UBQLN1: variants seen among roughly 807,000 people sequenced by gnomAD.
UBQLN1 encodes ubiquilin-1.
Under a neutral mutation model 65.4 loss-of-function variants are expected in UBQLN1, and 13 were observed. The ratio of observed to expected loss-of-function variants is 0.20; its 90% CI spans 0.13 to 0.32. The LOEUF (loss-of-function observed/expected upper bound fraction) is 0.32. Among genes scored for constraint, UBQLN1 ranks in the 10% least tolerant of loss-of-function variants. UBQLN1 has a pLI of 1.00. For synonymous variants in UBQLN1, 267 were observed against 247.8 expected (o/e 1.08, Z -0.73); for missense variants, 561 against 724.0 (o/e 0.77, Z 2.58).
intron 2 of UBQLN1, among the ~76,000 whole-genome samples, chr9:83,684,097 GTT>G (rs1831997076): frequency 1.3e-5 from 2 of 152,116 alleles, no homozygotes; most frequent in Non-Finnish European, 2.9e-5. Flanking sequence ...TTATGAGCCA[GTT>G]TTACTCTGGC....
At position 83,697,551 on chromosome 9, in the gene UBQLN1, CAAAA is replaced by C. The variant is rs750268209; in HGVS notation, c.180+9945_180+9948del. On this transcript the variant is annotated intron_variant, in intron 1 of 10. Coordinates refer to ENST00000376395, the MANE Select transcript of UBQLN1 (RefSeq NM_013438.5). ...GGGGCAACAGTGCAAGACACTGTCTCAAAAAAAAAAAAAAAAAAAAAAAAAAGAC... is the reference window on the plus strand; with the variant it reads ...GGGGCAACAGTGCAAGACACTGTCTCAAAAAAAAAAAAAAAAAAAAAAGAC... Among the ~76,000 whole-genome samples, 10 of 34,474 alleles carry C rather than the reference CAAAA, an allele frequency of 2.9e-4. No homozygotes were observed. In the East Asian group the frequency reaches 7.0e-3, roughly 24 times the overall value. The allele number at this position is 34,474 out of a possible 152,430, so 22.6% of individuals were successfully genotyped here.
chr9:83,691,377 G>A (rs534689185), intron 1 of UBQLN1, among the ~76,000 whole-genome samples: 2 of 152,026 alleles, frequency 1.3e-5, no homozygotes, highest in African/African-American at 2.4e-5. Flanking sequence ...ATTAAAACCT[G>A]ATATCCAAAA....
chr9:83,678,718 G>A, intron 4 of UBQLN1, 119 bp from the exon 5 acceptor site: 2 of 1,159,020 alleles, frequency 1.7e-6, no homozygotes, highest in East Asian at 2.4e-5. Flanking sequence ...GTTTTGTTTT[G>A]TTTTTTTAAT....
rs779322288 is a variant in UBQLN1 at position 83,663,896 on chromosome 9, A to G, written c.1596T>C (p.Ala532=). The change falls in exon 10 of 11, where the codon GCT becomes GCC. Residue 532 remains alanine (A), a synonymous_variant. Transcript: ENST00000376395. The part of the protein sequence containing the change: ...HQQFIQQMLQ[A]LAGVNPQLQN... ...ATACCTGAGGATTTACTCCAGCAAG[A>G]GCCTGCAGCATCTGCTGAATAAACT... The G allele has an allele frequency of 1.9e-6, 3 of 1,614,112 alleles. No homozygotes were observed. The highest frequency in any genetic ancestry group is 2.5e-6 in the Non-Finnish European group (3 of 1,179,966).
chr9:83,664,483 T>C (rs977057606), intron 9 of UBQLN1, among the ~76,000 whole-genome samples: 1 of 152,022 alleles, frequency 6.6e-6, no homozygotes, highest in Non-Finnish European at 1.5e-5. Flanking sequence ...AAAACAATCA[T>C]AGCCAGGCAC....
intron 1 of UBQLN1, among the ~76,000 whole-genome samples, chr9:83,695,111 T>C (rs1832187879): frequency 6.7e-6 from 1 of 150,136 alleles, no homozygotes; most frequent in Non-Finnish European, 1.5e-5. Context: ...GTAAAAATTA[T>C]ATATGAACAT....
Position 83,663,998 on chromosome 9 carries a change from C to G in UBQLN1, c.1494G>C (p.Ser498=). ...GTGTGGCGTTAGATCCATTAGTTCC[C>G]GAAGAGCCTCCAGTGCTTCCTAATG... ...LGALGSTGGS[S]GTNGSNATPS... is the part of the protein sequence containing the mutation. The change falls in exon 10 of 11, where the codon TCG becomes TCC. Residue 498 remains serine (S), a synonymous_variant. Coordinates refer to ENST00000376395, the MANE Select transcript of UBQLN1 (RefSeq NM_013438.5). The G allele has an allele frequency of 1.2e-6, 2 of 1,613,934 alleles. No homozygotes were observed. The highest frequency in any genetic ancestry group is 1.7e-6 in the Non-Finnish European group (2 of 1,179,952).
chr9:83,677,569 A>T (rs934301548), intron 6 of UBQLN1, among the ~76,000 whole-genome samples, 158 bp downstream of exon 6: 1 of 152,038 alleles, frequency 6.6e-6, no homozygotes, highest in African/African-American at 2.4e-5. Context: ...TCTCAAAAAA[A>T]CAAAACAAAA....
chr9:83,676,388 T>C (rs1831832584), intron 6 of UBQLN1, among the ~76,000 whole-genome samples: 1 of 152,206 alleles, frequency 6.6e-6, no homozygotes, highest in South Asian at 2.1e-4. Flanking sequence ...TAGACAATCA[T>C]GGTAAAGGGA....
intron 1 of UBQLN1, among the ~76,000 whole-genome samples, chr9:83,693,182 G>C (rs1832156579): frequency 6.6e-6 from 1 of 152,150 alleles, no homozygotes; most frequent in African/African-American, 2.4e-5. Flanking sequence ...CCTTGAATAA[G>C]CAATGTAATG....
intron 6 of UBQLN1, 25 bp downstream of exon 6, chr9:83,677,702 A>G (rs1158079924): frequency 6.4e-7 from 1 of 1,558,734 alleles, no homozygotes; most frequent in Admixed American, 1.8e-5. Flanking sequence ...AACAAAGAAA[A>G]AAGCCTGAGT....
At chr9:83,672,064 A>G (rs1476251909) in intron 6 of UBQLN1, among the ~76,000 whole-genome samples, 2 of 152,198 alleles carry the variant, frequency 1.3e-5, no homozygotes, top group African/African-American at 4.8e-5. Flanking sequence ...AGTCAACCTC[A>G]GCTACTTTCC....
At chr9:83,685,465 G>A (rs1367229584) in intron 2 of UBQLN1, among the ~76,000 whole-genome samples, 6 of 152,136 alleles carry the variant, frequency 3.9e-5, no homozygotes, top group Non-Finnish European at 5.9e-5. Context: ...CATCAATTCA[G>A]TTAGCAGTAT....
At chr9:83,668,083 A>G (rs1402655724) in intron 7 of UBQLN1, 1 of 985,262 alleles carries the variant, frequency 1.0e-6, no homozygotes, top group African/African-American at 1.7e-5. Flanking sequence ...AAATTGAAGC[A>G]TTTAATACTA....
intron 6 of UBQLN1, among the ~76,000 whole-genome samples, chr9:83,673,318 C>CA (rs974433040): frequency 1.7e-4 from 26 of 150,766 alleles, no homozygotes; most frequent in African/African-American, 6.1e-4. Flanking sequence ...GCAGACAGAT[C>CA]ACCCAAGGTC....
At chr9:83,682,562 C>T (rs1295734866) in intron 3 of UBQLN1, among the ~76,000 whole-genome samples, 1 of 152,044 alleles carries the variant, frequency 6.6e-6, no homozygotes, top group African/African-American at 2.4e-5. Flanking sequence ...CTTCCCAGAC[C>T]CCCTTCCATG....
Position 83,668,304 on chromosome 9 carries a change from T to G in UBQLN1, c.1248+881A>C. On this transcript the variant is annotated intron_variant, in intron 7 of 10. Coordinates refer to ENST00000376395, the MANE Select transcript of UBQLN1 (RefSeq NM_013438.5). The stretch of plus-strand genomic sequence containing the variant: ...AATTTAGAAAATAAAAACCATTCAT[T>G]TGACTTAAAGCTTTTAAAATTTAAG... 3 of 984,794 alleles carry G rather than the reference T, an allele frequency of 3.0e-6. No homozygotes were observed. The South Asian group carries it at 1.4e-4, about 46-fold the overall frequency. The allele number at this position is 984,794 out of a possible 1,614,324, so 61.0% of individuals were successfully genotyped here.
chr9:83,687,262 A>C (rs754875499), intron 1 of UBQLN1, among the ~76,000 whole-genome samples: 4 of 152,234 alleles, frequency 2.6e-5, no homozygotes, highest in African/African-American at 4.8e-5. Context: ...TCCAGGGACC[A>C]GACACATAAA....
chr9:83,667,921 G>C lies in UBQLN1; in HGVS notation c.1248+1264C>G, dbSNP rs1226778154. 4.1e-6 allele frequency: 4 copies of C among 982,510 alleles called. No individual in the cohort carries two copies. The East Asian group carries it at 4.5e-4, about 111-fold the overall frequency. The allele number at this position is 982,510 out of a possible 1,614,324, so 60.9% of individuals were successfully genotyped here. ...CTAGTACTAGCAACATTTTGTTTTA[G>C]AGTAAAAAAATAGTATGTGAGTGCT... On this transcript the variant is annotated intron_variant, in intron 7 of 10. Transcript: ENST00000376395.
Sources: gnomAD v4.1 joint callset for allele counts (sites outside exome capture counted in the v4.1 genomes callset) on GRCh38, gnomAD v4.1.1 for gene constraint, MANE v1.5 for transcripts, NCBI Gene and HGNC (gene_info 2026-07-23, HGNC 2026-07-21) for gene names.